The following TM7SF3 variants were observed in gnomAD, a reference collection of about 807,000 sequenced individuals.
TM7SF3 encodes transmembrane 7 superfamily member 3, also known as seven span transmembrane protein.
In TM7SF3, 60 loss-of-function variants were observed where a neutral mutation model predicts 65.5. That is an observed-to-expected ratio of 0.92 (90% CI 0.74 to 1.14). TM7SF3 has a LOEUF of 1.14. Among genes scored for constraint, TM7SF3 ranks in the 50% most tolerant of loss-of-function variants. The pLI is 0.00. For missense variants in TM7SF3, 623 were observed against 684.8 expected (o/e 0.91, Z 1.01); for synonymous variants, 264 against 259.6 (o/e 1.02, Z -0.16).
At chr12:26,999,723 C>T (rs1940754423) in intron 2 of TM7SF3, 47 bp from the exon 3 acceptor site, 1 of 1,604,062 alleles carries the variant, frequency 6.2e-7, no homozygotes, top group South Asian at 1.1e-5. Flanking sequence ...TCGACCAAAA[C>T]ATAAATTACT....
In TM7SF3 at chr12:26,972,771, G is replaced by A. The variant is rs1056996223; in HGVS notation, c.*1194C>T. 2.0e-5 allele frequency among the ~76,000 whole-genome samples: 3 copies of A among 151,574 alleles called. No individual in the cohort carries two copies. The highest frequency in any genetic ancestry group is 1.3e-4 in the Admixed American group (2 of 15,214). ...GGTCGGCAATATAGATTAAGGTGGG[G>A]GTTATTTCCTAAAAACAAAAGTAAT... On this transcript the variant is annotated 3_prime_UTR_variant, in exon 12 of 12. Coordinates refer to ENST00000343028, the MANE Select transcript of TM7SF3 (RefSeq NM_016551.3).
chr12:26,973,735 G>A lies in TM7SF3; in HGVS notation c.*230C>T. ...CAAAAGGTAATTTCTCAAGTATTTG[G>A]AAATAAGAAAAAGCCTCCCTACCAC... On this transcript the variant is annotated 3_prime_UTR_variant, in exon 12 of 12. Coordinates refer to ENST00000343028, the MANE Select transcript of TM7SF3 (RefSeq NM_016551.3). The A allele has an allele frequency of 2.2e-6, 1 of 445,242 alleles. No individual in the cohort carries two copies. The highest frequency in any genetic ancestry group is 3.9e-6 in the Non-Finnish European group (1 of 257,864). The allele number at this position is 445,242 out of a possible 1,614,324, so 27.6% of individuals were successfully genotyped here.
At chr12:26,987,228 T>TAA (rs756519455) in intron 6 of TM7SF3, among the ~76,000 whole-genome samples, 16 of 152,216 alleles carry the variant, frequency 1.1e-4, no homozygotes, top group Non-Finnish European at 1.2e-4. Context: ...CTTATATATA[T>TAA]AATCAACCAT....
At chr12:26,984,367 T>G (rs934610430) in intron 6 of TM7SF3, among the ~76,000 whole-genome samples, 1 of 151,362 alleles carries the variant, frequency 6.6e-6, no homozygotes. Flanking sequence ...AAGCAGAGGT[T>G]GCAGTGAGCC....
chr12:26,982,726 C>T (rs1353473174), intron 7 of TM7SF3, 47 bp downstream of exon 7: 1 of 1,384,738 alleles, frequency 7.2e-7, no homozygotes, highest in Non-Finnish European at 1.0e-6. Context: ...CCCAGCAACA[C>T]TGAAAAGACT....
intron 1 of TM7SF3, among the ~76,000 whole-genome samples, chr12:27,004,535 T>A: frequency 6.6e-6 from 1 of 152,166 alleles, no homozygotes; most frequent in East Asian, 1.9e-4. Flanking sequence ...AATAACACAT[T>A]CTTATATACC....
chr12:27,000,649 C>T (rs759384787), intron 2 of TM7SF3, among the ~76,000 whole-genome samples: 2 of 152,002 alleles, frequency 1.3e-5, no homozygotes, highest in Admixed American at 1.3e-4. Flanking sequence ...TTAGTAGAGA[C>T]GAGGTTTCAC....
intron 5 of TM7SF3, among the ~76,000 whole-genome samples, chr12:26,991,536 T>G (rs1940369529): frequency 6.6e-6 from 1 of 152,256 alleles, no homozygotes; most frequent in African/African-American, 2.4e-5. Flanking sequence ...CCTATGTTCC[T>G]ACTAATTTGA....
At chr12:26,979,396 G>T (rs923099309) in intron 9 of TM7SF3, 1 of 185,260 alleles carries the variant, frequency 5.4e-6, no homozygotes, top group East Asian at 1.4e-4. Flanking sequence ...GGGACACCTG[G>T]GGTTTGGCAG....
At chr12:27,007,535 A>G (rs191687995) in intron 1 of TM7SF3, among the ~76,000 whole-genome samples, 1 of 144,604 alleles carries the variant, frequency 6.9e-6, no homozygotes, top group South Asian at 2.1e-4. Flanking sequence ...GGAGGGGATT[A>G]AAAAAAAAAC....
At position 26,990,507 on chromosome 12, in the gene TM7SF3, G is replaced by T. The variant is rs764601737; in HGVS notation, c.811C>A (p.Pro271Thr). 6.2e-7 allele frequency: 1 copy of T among 1,614,082 alleles called. No homozygotes were observed. The highest frequency in any genetic ancestry group is 1.1e-5 in the South Asian group (1 of 91,076). Residue 271 changes from proline to threonine, a missense_variant, in exon 6 of 12, where the codon CCT becomes ACT. Physicochemically the swap from Pro to Thr is conservative, Grantham distance 38. Coordinates refer to ENST00000343028, the MANE Select transcript of TM7SF3 (RefSeq NM_016551.3). ...PFLNTSAAYIPAHTYACSFEA... is the reference protein window; with the variant it reads ...PFLNTSAAYITAHTYACSFEA... The stretch of plus-strand genomic sequence containing the variant: ...AAGCTGCAAGCGTATGTGTGAGCAG[G>T]AATGTAGGCAGCAGATGTATTTAGA...
intron 2 of TM7SF3, among the ~76,000 whole-genome samples, chr12:27,000,146 A>C (rs1940770682): frequency 6.6e-6 from 1 of 152,204 alleles, no homozygotes; most frequent in Non-Finnish European, 1.5e-5. Context: ...ATGGGGGCCC[A>C]TGACCTAATC....
chr12:26,994,865 T>C (rs1228371192), intron 5 of TM7SF3, among the ~76,000 whole-genome samples: 2 of 152,228 alleles, frequency 1.3e-5, no homozygotes, highest in Non-Finnish European at 2.9e-5. Flanking sequence ...CCAATGTGTA[T>C]ATCCTTAAGC....
intron 3 of TM7SF3, 130 bp from the exon 4 acceptor site, chr12:26,996,992 T>C: frequency 1.0e-6 from 1 of 983,962 alleles, no homozygotes; most frequent in Non-Finnish European, 1.5e-6. Context: ...GTAGAGCTTC[T>C]AGTCGTATAC....
intron 6 of TM7SF3, among the ~76,000 whole-genome samples, chr12:26,984,276 A>G (rs1939944753): frequency 6.6e-6 from 1 of 152,066 alleles, no homozygotes; most frequent in Non-Finnish European, 1.5e-5. Flanking sequence ...TAAAAATACA[A>G]AAATTAGCCA....
intron 6 of TM7SF3, among the ~76,000 whole-genome samples, chr12:26,985,265 G>A (rs1401512027): frequency 6.6e-6 from 1 of 152,200 alleles, no homozygotes; most frequent in African/African-American, 2.4e-5. Context: ...GGGAGGCTGA[G>A]GCGGGTGGAT....
Position 26,985,678 on chromosome 12 carries a change from T to TATATATATATAC in TM7SF3, c.869-2820_869-2819insGTATATATATAT, listed in dbSNP as rs1452914983. ...ATATATATATATATATATATATATA[T>TATATATATATAC]ACACACACACAAACATATCTGCCAA... On this transcript the variant is annotated intron_variant, in intron 6 of 11. Transcript: ENST00000343028. Among the ~76,000 whole-genome samples, 128 of 108,282 alleles carry TATATATATATAC rather than the reference T, an allele frequency of 1.2e-3. 2 individuals carry two copies. The highest frequency in any genetic ancestry group is 4.7e-3 in the African/African-American group (120 of 25,322). 71.0% of individuals were successfully genotyped at this position (108,282 alleles called of 152,430 possible).
At chr12:27,012,727 C>T (rs1941291590) in intron 1 of TM7SF3, 1 of 455,984 alleles carries the variant, frequency 2.2e-6, no homozygotes. Flanking sequence ...CGGCCGGGCG[C>T]GGTGGCTCAT....
At chr12:27,002,360 C>T (rs1284934494) in intron 2 of TM7SF3, among the ~76,000 whole-genome samples, 1 of 151,760 alleles carries the variant, frequency 6.6e-6, no homozygotes, top group Non-Finnish European at 1.5e-5. Flanking sequence ...TCCAGGATCA[C>T]TTAAGACCAG....
Sources: allele counts gnomAD v4.1 joint callset (sites outside exome capture counted in the v4.1 genomes callset), GRCh38; gene constraint gnomAD v4.1.1; transcripts MANE v1.5; gene names NCBI Gene and HGNC (gene_info 2026-07-23, HGNC 2026-07-21).